PIK3CB: variants seen among roughly 807,000 people sequenced by gnomAD.
The protein encoded by PIK3CB is phosphatidylinositol-4,5-bisphosphate 3-kinase catalytic subunit beta.
PIK3CB carries 39 observed loss-of-function variants against 136.8 expected under a neutral mutation model. The observed-to-expected ratio is 0.29, with a 90% CI of 0.22 to 0.37. The LOEUF is 0.37. Ranked by LOEUF, PIK3CB falls within the 10% of genes least tolerant of loss-of-function variation. The probability of loss-of-function intolerance (pLI) is 1.00; values close to 1 mark genes in which losing one functional copy is unlikely to be tolerated. For synonymous variants in PIK3CB, 428 were observed against 436.6 expected, an observed-to-expected ratio of 0.98 and a Z score of 0.25; for missense variants, 868 against 1,275.4, an observed-to-expected ratio of 0.68 and a Z score of 4.87.
intron 6 of PIK3CB, 41 bp downstream of exon 6, chr3:138,737,666 C>A: frequency 2.4e-6 from 2 of 835,138 alleles, no homozygotes; most frequent in Non-Finnish European, 3.6e-6. Flanking sequence ...TATATATATA[C>A]TCATAGACTT....
Position 138,742,781 on chromosome 3 carries a change from C to T in PIK3CB, c.398G>A (p.Gly133Asp). The T allele has an allele frequency of 6.5e-7, 1 of 1,549,406 alleles. No homozygotes were observed. The highest frequency in any genetic ancestry group is 8.8e-7 in the Non-Finnish European group (1 of 1,133,666). ...CTTCAAGGAATCAAATTCATGCAGA[C>T]CTAAACACATTTTTTAAAGGTGTCA... ...DSKIGVLIGK[G>D]LHEFDSLKDP... is the part of the protein sequence containing the mutation. The change falls in exon 5 of 24, where the codon GGT (glycine) becomes GAT (aspartate). Residue 133 changes from glycine (G) to aspartate (D), a missense_variant and splice_region_variant. By Grantham distance (94) the Gly-to-Asp change is moderately conservative. Around this residue, in one of 4 missense-constraint regions of PIK3CB, gnomAD observed 612 missense variants for 801.1 expected, o/e 0.76. Transcript: ENST00000674063.
At chr3:138,725,999 T>C (rs1435231437) in intron 8 of PIK3CB, among the ~76,000 whole-genome samples, 1 of 152,220 alleles carries the variant, frequency 6.6e-6, no homozygotes, top group African/African-American at 2.4e-5. Context: ...TGGGGGACCA[T>C]AGTTAGTTAG....
chr3:138,787,720 CTTTT>C (rs879420169), intron 2 of PIK3CB, among the ~76,000 whole-genome samples: 1 of 133,134 alleles, frequency 7.5e-6, no homozygotes, highest in South Asian at 2.4e-4. Context: ...CAAATGTATT[CTTTT>C]TTTTTTTTTT....
chr3:138,656,783 T>C (rs924221625), intron 22 of PIK3CB, among the ~76,000 whole-genome samples: 1 of 152,142 alleles, frequency 6.6e-6, no homozygotes, highest in Admixed American at 6.5e-5. Flanking sequence ...CCAATGTTTT[T>C]TTTTTGAGAT....
intron 4 of PIK3CB, among the ~76,000 whole-genome samples, chr3:138,743,665 C>CG (rs1270673240): frequency 6.6e-6 from 1 of 152,084 alleles, no homozygotes; most frequent in Non-Finnish European, 1.5e-5. Flanking sequence ...TGGGCTCAAG[C>CG]GATCCTCCCA....
At chr3:138,769,706 C>T (rs914346425) in intron 2 of PIK3CB, among the ~76,000 whole-genome samples, 3 of 152,222 alleles carry the variant, frequency 2.0e-5, no homozygotes, top group Non-Finnish European at 4.4e-5. Flanking sequence ...AATAAATCTT[C>T]TGTAGCTATA....
At chr3:138,730,224 C>G (rs1029225075) in intron 8 of PIK3CB, among the ~76,000 whole-genome samples, 1 of 152,054 alleles carries the variant, frequency 6.6e-6, no homozygotes, top group African/African-American at 2.4e-5. Context: ...AACATAACAA[C>G]GGCAAACAAT....
chr3:138,662,197 G>C (rs1290664281), intron 21 of PIK3CB, among the ~76,000 whole-genome samples: 1 of 149,568 alleles, frequency 6.7e-6, no homozygotes, highest in African/African-American at 2.5e-5. Context: ...TGCCATGCTG[G>C]TGTGCTGTAC....
chr3:138,721,063 C>A (rs946837560), intron 8 of PIK3CB, among the ~76,000 whole-genome samples: 2 of 152,160 alleles, frequency 1.3e-5, no homozygotes, highest in Admixed American at 1.3e-4. Context: ...AAAGTGATTT[C>A]ATAGTCAACT....
chr3:138,822,955 AAT>A (rs147925367), intron 1 of PIK3CB, among the ~76,000 whole-genome samples: 26 of 143,962 alleles, frequency 1.8e-4, no homozygotes, highest in East Asian at 4.1e-4. Context: ...ATATACATGA[AAT>A]ATATATATAT....
rs182430452 is a variant in PIK3CB, at chr3:138,715,105, C to T, written c.1051-386G>A. On this transcript the variant is annotated intron_variant, in intron 8 of 23. Coordinates refer to ENST00000674063, the MANE Select transcript of PIK3CB (RefSeq NM_006219.3). ...TGACTTCATTTACTTGAGGTCTTGT[C>T]TTACCCTTCTCTATGTGTAGGAAAG... Among the ~76,000 whole-genome samples, 430 of 152,304 alleles carry T rather than the reference C, an allele frequency of 2.8e-3. 1 individual carries two copies. The highest frequency in any genetic ancestry group is 8.3e-3 in the African/African-American group (345 of 41,580).
rs2043796220 is a variant in PIK3CB at position 138,682,198 on chromosome 3, T to A, written c.2426-153A>T. On this transcript the variant is annotated intron_variant, in intron 18 of 23. Transcript: ENST00000674063. ...TATAACAAATATTACACTCTTTGGATAGCATGTCCCTGTGACATTATTTCA... is the reference window on the plus strand; with the variant it reads ...TATAACAAATATTACACTCTTTGGAAAGCATGTCCCTGTGACATTATTTCA... 4 of 535,346 alleles carry A rather than the reference T, an allele frequency of 7.5e-6. No homozygotes were observed. In the East Asian group the frequency reaches 1.3e-4, roughly 17 times the overall value. 33.2% of individuals were successfully genotyped at this position (535,346 alleles called of 1,614,324 possible).
At chr3:138,760,304 C>A (rs745328118) in intron 2 of PIK3CB, among the ~76,000 whole-genome samples, 4 of 152,130 alleles carry the variant, frequency 2.6e-5, no homozygotes, top group Non-Finnish European at 5.9e-5. Flanking sequence ...GATGGCAAGG[C>A]CCCTTGTGCT....
chr3:138,738,048 G>A (rs1050644734), intron 5 of PIK3CB, among the ~76,000 whole-genome samples, 162 bp from the exon 6 acceptor site: 3 of 152,068 alleles, frequency 2.0e-5, no homozygotes, highest in Non-Finnish European at 2.9e-5. Flanking sequence ...ATGTAGACAA[G>A]TTTACTGAAA....
intron 2 of PIK3CB, among the ~76,000 whole-genome samples, chr3:138,792,021 A>G (rs2046056938): frequency 6.6e-6 from 1 of 152,130 alleles, no homozygotes; most frequent in Non-Finnish European, 1.5e-5. Flanking sequence ...AATACAACCA[A>G]CTATGAATCG....
At chr3:138,750,599 A>C (rs939152801) in intron 4 of PIK3CB, among the ~76,000 whole-genome samples, 14 of 152,324 alleles carry the variant, frequency 9.2e-5, no homozygotes, top group African/African-American at 3.1e-4. Flanking sequence ...GTTCCTAACC[A>C]GCAACAGGGA....
chr3:138,808,992 C>A (rs967035129), intron 1 of PIK3CB, among the ~76,000 whole-genome samples: 2 of 151,900 alleles, frequency 1.3e-5, no homozygotes, highest in African/African-American at 2.4e-5. Flanking sequence ...TTTATTAAAA[C>A]CTACAACTTC....
At chr3:138,823,907 G>C (rs901667689) in intron 1 of PIK3CB, among the ~76,000 whole-genome samples, 10 of 152,124 alleles carry the variant, frequency 6.6e-5, no homozygotes, top group African/African-American at 2.4e-4. Flanking sequence ...AGTTACCAAT[G>C]ACTCAGCAGG....
rs2043440887 is a variant in PIK3CB, at chr3:138,667,584, C to T, written c.2505-2381G>A. Among the ~76,000 whole-genome samples the T allele has an allele frequency of 2.0e-5, 3 of 151,184 alleles. No individual in the cohort carries two copies. In the South Asian group the frequency reaches 6.3e-4, roughly 32 times the overall value. On this transcript the variant is annotated intron_variant, in intron 19 of 23. Transcript: ENST00000674063. Reference sequence around the variant, plus strand: ...TTATTTATTTATTTATTTTTTGAGACAGAGTCTCGCTCTGTCGCCCAGGCT... The same window carrying T: ...TTATTTATTTATTTATTTTTTGAGATAGAGTCTCGCTCTGTCGCCCAGGCT...
Sources: gnomAD v4.1 joint callset for allele counts (sites outside exome capture counted in the v4.1 genomes callset) on GRCh38, gnomAD v4.1.1 for gene constraint, gnomAD v4.1.1 regional missense constraint, MANE v1.5 for transcripts, NCBI Gene and HGNC (gene_info 2026-07-23, HGNC 2026-07-21) for gene names.